The following CETP variants were observed in gnomAD, a reference collection of about 807,000 sequenced individuals.
The protein encoded by CETP is cholesteryl ester transfer protein.
A neutral mutation model predicts 66.5 loss-of-function variants in CETP; 56 were observed. That is an observed-to-expected ratio of 0.84 (90% CI 0.68 to 1.05). The LOEUF (loss-of-function observed/expected upper bound fraction) is 1.05. Ranked by LOEUF, CETP falls within the 50% of genes least tolerant of loss-of-function variation. CETP has a pLI of 0.00. For synonymous variants in CETP, 251 were observed against 245.7 expected (o/e 1.02, Z -0.20); for missense variants, 612 against 609.6 (o/e 1.00, Z -0.04).
chr16:56,967,987 AAAAG>A (rs1387098887), intron 2 of CETP, among the ~76,000 whole-genome samples: 52 of 152,190 alleles, frequency 3.4e-4, no homozygotes, highest in African/African-American at 1.0e-3. Flanking sequence ...TAAAAAAAAA[AAAAG>A]AAGAAGAAGA....
chr16:56,982,400 C>T (rs2056195359), intron 14 of CETP, among the ~76,000 whole-genome samples, 163 bp downstream of exon 14: 2 of 152,178 alleles, frequency 1.3e-5, no homozygotes, highest in Non-Finnish European at 2.9e-5. Flanking sequence ...TATTGCACGC[C>T]AATGACTCGG....
chr16:56,979,732 C>T (rs2056174955), intron 11 of CETP, among the ~76,000 whole-genome samples: 1 of 152,164 alleles, frequency 6.6e-6, no homozygotes, highest in African/African-American at 2.4e-5. Flanking sequence ...GTTTCAAAGT[C>T]CTGACCTCCA....
At chr16:56,963,650 T>G (rs2056042350) in intron 2 of CETP, among the ~76,000 whole-genome samples, 1 of 152,004 alleles carries the variant, frequency 6.6e-6, no homozygotes, top group Admixed American at 6.6e-5. Flanking sequence ...ATCCTCACCT[T>G]TATCATATAT....
intron 2 of CETP, among the ~76,000 whole-genome samples, chr16:56,966,233 C>T (rs12599791): frequency 0.015 from 2,317 of 152,310 alleles, 100 homozygotes; most frequent in East Asian, 0.12. Flanking sequence ...AATTCCCTCG[C>T]TTTCTGCAGC....
At chr16:56,976,466 C>A (rs1223424208) in intron 10 of CETP, among the ~76,000 whole-genome samples, 2 of 151,144 alleles carry the variant, frequency 1.3e-5, no homozygotes, top group South Asian at 2.1e-4. Context: ...AATTTCTTTT[C>A]TTTTCTTTCT....
chr16:56,982,231 A>G lies in CETP; in HGVS notation c.1315A>G (p.Met439Val). Residue 439 changes from methionine to valine, a missense_variant, in exon 14 of 16, where the codon ATG (methionine) becomes GTG (valine). Physicochemically the swap from Met to Val is conservative, Grantham distance 21. Transcript: ENST00000200676. ...MITAVGIPEV[M>V]SRLEVVFTAL... The stretch of plus-strand genomic sequence containing the variant: ...CACCGCTGTGGGCATCCCTGAGGTC[A>G]TGTCTCGTAAGTGTGGGCTGGAGGG... 1 of 1,614,048 alleles carries G rather than the reference A, an allele frequency of 6.2e-7. No homozygotes were observed. The highest frequency in any genetic ancestry group is 1.1e-5 in the South Asian group (1 of 91,076).
chr16:56,965,889 T>G (rs915162771), intron 2 of CETP, among the ~76,000 whole-genome samples: 6 of 152,098 alleles, frequency 3.9e-5, no homozygotes, highest in Admixed American at 3.9e-4. Flanking sequence ...ACAGATCCTC[T>G]GCTGTACCTA....
At position 56,981,654 on chromosome 16, in the gene CETP, C is replaced by T. The variant is rs781066624; in HGVS notation, c.1222C>T (p.Pro408Ser). 1 of 1,613,928 alleles carries T rather than the reference C, an allele frequency of 6.2e-7. No homozygotes were observed. The highest frequency in any genetic ancestry group is 1.1e-5 in the South Asian group (1 of 91,080). ...ATCGCTTTTTTATTTCAGGATTACA[C>T]CAAAGACTGTTTCCAACTTGACTGA... Reference protein sequence around the residue: ...FLSLLDFQITPKTVSNLTESS... With the variant: ...FLSLLDFQITSKTVSNLTESS... Residue 408 changes from proline to serine, a missense_variant, in exon 13 of 16, where the codon CCA (proline) becomes TCA (serine). By Grantham distance (74) the Pro-to-Ser change is moderately conservative. Coordinates refer to ENST00000200676, the MANE Select transcript of CETP (RefSeq NM_000078.3).
rs534723048 is a variant in CETP, at chr16:56,965,955, G to C, written c.233+2831G>C. Among the ~76,000 whole-genome samples the C allele has an allele frequency of 3.3e-5, 5 of 152,078 alleles. No homozygotes were observed. The South Asian group carries it at 1.0e-3, about 32-fold the overall frequency. ...ATTGTGCAGCTCCACCTCTGCCCCC[G>C]GGGCCTAGCTGAGGCCTCCTCCAAG... On this transcript the variant is annotated intron_variant, in intron 2 of 15. Coordinates refer to ENST00000200676, the MANE Select transcript of CETP (RefSeq NM_000078.3).
chr16:56,969,899 C>T lies in CETP; in HGVS notation c.440-15C>T, dbSNP rs761700239. 8 of 1,612,778 alleles carry T rather than the reference C, an allele frequency of 5.0e-6. No individual in the cohort carries two copies. The highest frequency in any genetic ancestry group is 2.2e-5 in the East Asian group (1 of 44,822). ...AGCGGAGGCTGCCCTGAGGTCATGT[C>T]GGGTCTCCCTGCAGCCTGTGACTCT... On this transcript the variant is annotated splice_polypyrimidine_tract_variant and intron_variant, in intron 4 of 15. Coordinates refer to ENST00000200676, the MANE Select transcript of CETP (RefSeq NM_000078.3).
chr16:56,973,816 C>T (rs568897130), intron 9 of CETP, among the ~76,000 whole-genome samples: 53 of 152,328 alleles, frequency 3.5e-4, no homozygotes, highest in African/African-American at 1.2e-3. Context: ...CGGAGCTCTC[C>T]GAGTGAGCAA....
intron 11 of CETP, among the ~76,000 whole-genome samples, chr16:56,979,104 G>A (rs12720856): frequency 0.017 from 2,559 of 152,330 alleles, 99 homozygotes; most frequent in East Asian, 0.13. Context: ...TGGGATTACA[G>A]GCATGAGCCA....
intron 5 of CETP, among the ~76,000 whole-genome samples, 200 bp from the exon 6 acceptor site, chr16:56,970,833 G>A (rs904862611): frequency 1.3e-5 from 2 of 152,204 alleles, no homozygotes; most frequent in African/African-American, 2.4e-5. Context: ...GCCCTCCCGA[G>A]GAATTCTGGG....
rs762315471 is a variant in CETP, at chr16:56,978,131, A to G, written c.1022A>G (p.His341Arg). Reference protein sequence around the residue: ...GFPSQAQVTVHCLKMPKISCQ... With the variant: ...GFPSQAQVTVRCLKMPKISCQ... ...CCCAGCCAGGCCCAAGTCACCGTCC[A>G]CTGCCTCAAGATGCCCAAGATCTCC... The change falls in exon 11 of 16, where the codon CAC becomes CGC. Residue 341 changes from histidine to arginine, a missense_variant. Transcript: ENST00000200676. 103 of 1,614,124 alleles carry G rather than the reference A, an allele frequency of 6.4e-5. No homozygotes were observed. Among genetic ancestry groups the G allele is most frequent in the Non-Finnish European group, 8.1e-5 (96 of 1,180,050 alleles).
At chr16:56,982,425 C>T (rs879256826) in intron 14 of CETP, among the ~76,000 whole-genome samples, 188 bp downstream of exon 14, 1 of 152,176 alleles carries the variant, frequency 6.6e-6, no homozygotes, top group Non-Finnish European at 1.5e-5. Context: ...ATGCCCAGAC[C>T]CCTGTTCTTG....
In CETP at chr16:56,978,142, A is replaced by T. The variant is rs2056162992; in HGVS notation, c.1033A>T (p.Met345Leu). The T allele has an allele frequency of 6.2e-7, 1 of 1,614,118 alleles. No homozygotes were observed. Among genetic ancestry groups the T allele is most frequent in the African/African-American group, 1.3e-5 (1 of 74,922 alleles). ...CCAAGTCACCGTCCACTGCCTCAAGATGCCCAAGATCTCCTGCCAAAACAA... is the reference window on the plus strand; with the variant it reads ...CCAAGTCACCGTCCACTGCCTCAAGTTGCCCAAGATCTCCTGCCAAAACAA... The part of the protein sequence containing the change: ...QAQVTVHCLK[M>L]PKISCQNKGV... Residue 345 changes from methionine to leucine, a missense_variant, in exon 11 of 16, where the codon ATG becomes TTG. Physicochemically the swap from Met to Leu is conservative, Grantham distance 15. Transcript: ENST00000200676.
In CETP at chr16:56,975,142, C is replaced by A. The variant is rs768330981; in HGVS notation, c.972C>A (p.Ile324=). ...GGGGCTTCAACACCAACCAGGAAATCTTCCAAGAGGTAACTGCCCCCTGCC... is the reference window on the plus strand; with the variant it reads ...GGGGCTTCAACACCAACCAGGAAATATTCCAAGAGGTAACTGCCCCCTGCC... ...ETWGFNTNQE[I]FQEVVGGFPS... is the part of the protein sequence containing the mutation. Residue 324 remains isoleucine, a synonymous_variant, in exon 10 of 16, where the codon ATC becomes ATA. Coordinates refer to ENST00000200676, the MANE Select transcript of CETP (RefSeq NM_000078.3). The A allele has an allele frequency of 6.2e-7, 1 of 1,614,146 alleles. No individual in the cohort carries two copies. The highest frequency in any genetic ancestry group is 2.2e-5 in the East Asian group (1 of 44,892).
intron 11 of CETP, among the ~76,000 whole-genome samples, 195 bp from the exon 12 acceptor site, chr16:56,980,963 A>C (rs4784745): frequency 1.3e-5 from 2 of 152,188 alleles, no homozygotes; most frequent in Admixed American, 1.3e-4. Flanking sequence ...GTGACTTCTC[A>C]GGTCCTAACC....
At chr16:56,969,273 A>G (rs2056090174) in intron 2 of CETP, 113 bp from the exon 3 acceptor site, 8 of 1,398,250 alleles carry the variant, frequency 5.7e-6, no homozygotes, top group Non-Finnish European at 6.1e-6. Context: ...TTAGGAGGAC[A>G]TTTTGGGGGC....
Sources: allele counts gnomAD v4.1 joint callset (sites outside exome capture counted in the v4.1 genomes callset), GRCh38; gene constraint gnomAD v4.1.1; transcripts MANE v1.5; gene names NCBI Gene and HGNC (gene_info 2026-07-23, HGNC 2026-07-21).